UBE2W: variants seen among roughly 807,000 people sequenced by gnomAD.
UBE2W encodes the protein ubiquitin-conjugating enzyme E2 W.
UBE2W carries 18 observed loss-of-function variants against 27.2 expected under a neutral mutation model. The ratio of observed to expected loss-of-function variants is 0.66; its 90% CI spans 0.46 to 0.98. The LOEUF (loss-of-function observed/expected upper bound fraction) is 0.98. UBE2W is among the 50% of genes least tolerant of loss of function. UBE2W has a pLI of 0.00. For synonymous variants in UBE2W, 53 were observed against 57.2 expected, an observed-to-expected ratio of 0.93 and a Z score of 0.33; for missense variants, 90 against 180.2, an observed-to-expected ratio of 0.50 and a Z score of 2.87.
chr8:73,822,677 C>T (rs1809672774), intron 3 of UBE2W, among the ~76,000 whole-genome samples: 1 of 143,338 alleles, frequency 7.0e-6, no homozygotes, highest in African/African-American at 2.5e-5. Flanking sequence ...CCAGCTGCTT[C>T]GGAGGCTGAT....
chr8:73,842,388 G>A (rs748574940), intron 1 of UBE2W, among the ~76,000 whole-genome samples: 1 of 151,670 alleles, frequency 6.6e-6, no homozygotes, highest in South Asian at 2.1e-4. Flanking sequence ...AATGAGCCGG[G>A]CGTGGTGGCG....
intron 5 of UBE2W, among the ~76,000 whole-genome samples, chr8:73,794,597 TC>T (rs1181970802): frequency 6.6e-6 from 1 of 152,120 alleles, no homozygotes; most frequent in East Asian, 1.9e-4. Context: ...AAGATTAATT[TC>T]CCTTTAGAAA....
intron 1 of UBE2W, among the ~76,000 whole-genome samples, chr8:73,830,698 T>C (rs533158800): frequency 9.9e-5 from 15 of 152,200 alleles, no homozygotes; most frequent in Admixed American, 9.8e-4. Context: ...TTGCTCAGGC[T>C]GGTAGTGAAC....
intron 2 of UBE2W, 67 bp downstream of exon 2, chr8:73,830,314 A>T (rs1307708997): frequency 8.6e-7 from 1 of 1,168,492 alleles, no homozygotes; most frequent in Non-Finnish European, 1.3e-6. Flanking sequence ...GTAGTTTTAA[A>T]AAGCGGGTGA....
At chr8:73,818,409 A>T (rs1809479123) in intron 3 of UBE2W, among the ~76,000 whole-genome samples, 1 of 152,178 alleles carries the variant, frequency 6.6e-6, no homozygotes, top group Admixed American at 6.5e-5. Context: ...TGAACGGTTT[A>T]TATGCCACAC....
At chr8:73,835,092 G>A (rs769335629) in intron 1 of UBE2W, among the ~76,000 whole-genome samples, 1 of 152,090 alleles carries the variant, frequency 6.6e-6, no homozygotes, top group African/African-American at 2.4e-5. Context: ...TTCTTAGTAG[G>A]AGAAGCAAGA....
At chr8:73,874,783 AC>A (rs990236931) in intron 1 of UBE2W, among the ~76,000 whole-genome samples, 4 of 152,240 alleles carry the variant, frequency 2.6e-5, no homozygotes, top group African/African-American at 9.6e-5. Context: ...GTTTCTTAAG[AC>A]TGGGCACATA....
At chr8:73,805,817 G>A in intron 4 of UBE2W, 91 bp from the exon 5 acceptor site, 6 of 652,804 alleles carry the variant, frequency 9.2e-6, no homozygotes, top group South Asian at 2.8e-5. Context: ...TTAACAGAAT[G>A]CATAAAAAAC....
intron 1 of UBE2W, among the ~76,000 whole-genome samples, chr8:73,843,379 T>C (rs1334026676): frequency 2.6e-5 from 4 of 152,162 alleles, no homozygotes; most frequent in African/African-American, 7.2e-5. Context: ...GTGCCTGTAA[T>C]CCAAACACTT....
downstream of UBE2W, among the ~76,000 whole-genome samples, chr8:73,784,843 C>T (rs1249267967): frequency 6.6e-6 from 1 of 152,140 alleles, no homozygotes; most frequent in Non-Finnish European, 1.5e-5. Context: ...TGTGATACCG[C>T]CCACACAGTA....
At chr8:73,846,815 T>C (rs1012447316) in intron 1 of UBE2W, among the ~76,000 whole-genome samples, 1 of 152,176 alleles carries the variant, frequency 6.6e-6, no homozygotes, top group Non-Finnish European at 1.5e-5. Context: ...AACATGCAGA[T>C]AAACTTTAGA....
At position 73,857,741 on chromosome 8, in the gene UBE2W, G is replaced by A. The variant is rs927674374; in HGVS notation, c.15+21067C>T. Among the ~76,000 whole-genome samples the A allele has an allele frequency of 8.5e-5, 13 of 152,144 alleles. No homozygotes were observed. The East Asian group carries it at 1.7e-3, about 20-fold the overall frequency. ...TGAGGCAGGAAAACTGCTTGAACCC[G>A]GGAGGTGGAGGTTGCAGTGAGCCGA... On this transcript the variant is annotated intron_variant, in intron 1 of 5. Transcript: ENST00000602593.
At position 73,793,029 on chromosome 8, in the gene UBE2W, C is replaced by CA; in HGVS notation, c.*1072dup. The CA allele has an allele frequency of 1.0e-6, 1 of 985,432 alleles. No individual in the cohort carries two copies. The highest frequency in any genetic ancestry group is 1.2e-6 in the Non-Finnish European group (1 of 829,576). 61.0% of individuals were successfully genotyped at this position (985,432 alleles called of 1,614,324 possible). A position where few individuals can be genotyped will look rare whatever the true frequency, so the allele number is the denominator to read the frequency against. On this transcript the variant is annotated 3_prime_UTR_variant, in exon 6 of 6. Coordinates refer to ENST00000602593, the MANE Select transcript of UBE2W (RefSeq NM_018299.6). ...CAGGATTAAAGGACAAGATGATACTCACAAGTAAAGAAAATTTACAAGAAA... is the reference window on the plus strand; with the variant it reads ...CAGGATTAAAGGACAAGATGATACTCAACAAGTAAAGAAAATTTACAAGAAA...
intron 1 of UBE2W, chr8:73,834,008 T>C (rs1449969187): frequency 3.3e-5 from 5 of 152,308 alleles, no homozygotes; most frequent in Admixed American, 3.3e-4. Flanking sequence ...GCTTTCCAAA[T>C]AGCTGGGACA....
intron 5 of UBE2W, among the ~76,000 whole-genome samples, chr8:73,802,980 C>T (rs559969165): frequency 2.2e-4 from 33 of 151,896 alleles, no homozygotes; most frequent in African/African-American, 6.5e-4. Context: ...GCCGAAGTTG[C>T]GAAACTGCAC....
At chr8:73,821,534 G>A (rs1452487139) in intron 3 of UBE2W, among the ~76,000 whole-genome samples, 1 of 131,604 alleles carries the variant, frequency 7.6e-6, no homozygotes, top group Non-Finnish European at 1.6e-5. Context: ...GGGGGGTGGA[G>A]TGGGGTGTGG....
At chr8:73,805,472 C>CAAAAAAAAACAAACAAAA in intron 5 of UBE2W, among the ~76,000 whole-genome samples, 179 bp downstream of exon 5, 1 of 43,694 alleles carries the variant, frequency 2.3e-5, no homozygotes, top group East Asian at 1.1e-3. Context: ...AAAAAAAAAA[C>CAAAAAAAAACAAACAAAA]AAAAAAAACT....
In UBE2W at chr8:73,786,733, C is replaced by G; in HGVS notation, c.*7369G>C. 1.0e-6 allele frequency: 1 copy of G among 985,352 alleles called. No individual in the cohort carries two copies. The highest frequency in any genetic ancestry group is 1.2e-6 in the Non-Finnish European group (1 of 829,928). The allele number at this position is 985,352 out of a possible 1,614,324, so 61.0% of individuals were successfully genotyped here. On this transcript the variant is annotated 3_prime_UTR_variant, in exon 6 of 6. Transcript: ENST00000602593. ...CACCAAGGCCAGGTAGTGAAAGGCC[C>G]TAATGGTAAGGAGACTGGAGAGAAG...
chr8:73,845,545 A>C (rs1810762040), intron 1 of UBE2W, among the ~76,000 whole-genome samples: 1 of 152,144 alleles, frequency 6.6e-6, no homozygotes, highest in African/African-American at 2.4e-5. Flanking sequence ...CCCTAATCTC[A>C]AGTACCCAGG....
Sources: allele counts gnomAD v4.1 joint callset (sites outside exome capture counted in the v4.1 genomes callset), GRCh38; gene constraint gnomAD v4.1.1; transcripts MANE v1.5; gene names NCBI Gene and HGNC (gene_info 2026-07-23, HGNC 2026-07-21).